SPOCK3: variants seen among roughly 807,000 people sequenced by gnomAD.
The protein encoded by SPOCK3 is testican-3.
Under a neutral mutation model 56.6 loss-of-function variants are expected in SPOCK3, and 30 were observed. That is an observed-to-expected ratio of 0.53 (90% confidence interval 0.40 to 0.72). The LOEUF (loss-of-function observed/expected upper bound fraction) is 0.72. SPOCK3 is among the 30% of genes least tolerant of loss of function. The probability of loss-of-function intolerance (pLI) is 0.00; values close to 1 mark genes in which losing one functional copy is unlikely to be tolerated. For synonymous variants in SPOCK3, 196 were observed against 183.3 expected, an observed-to-expected ratio of 1.07 and a Z score of -0.56; for missense variants, 527 against 530.0, an observed-to-expected ratio of 0.99 and a Z score of 0.06.
In SPOCK3 at chr4:167,000,374, T is replaced by C. The variant is rs9685645; in HGVS notation, c.325A>G (p.Ile109Val). 5.6e-3 allele frequency: 8,983 copies of C among 1,592,230 alleles called. 469 individuals carry two copies. The African/African-American group carries it at 0.11, about 19-fold the overall frequency. The stretch of plus-strand genomic sequence containing the variant: ...CTGTGTGTAAGCCTCCGGTGACTAA[T>C]GCAGACTGCAGTCTGAGAATCTTGA... ...IAQDSQTAVC[I>V]SHRRLTHRMK... Residue 109 changes from isoleucine (I) to valine (V), a missense_variant, in exon 4 of 11, where the codon ATT becomes GTT. Physicochemically the swap from Ile to Val is conservative, Grantham distance 29. Coordinates refer to ENST00000357545, the MANE Select transcript of SPOCK3 (RefSeq NM_001040159.2).
intron 3 of SPOCK3, among the ~76,000 whole-genome samples, chr4:167,029,993 C>T (rs1752100543): frequency 6.6e-6 from 1 of 151,904 alleles, no homozygotes; most frequent in Non-Finnish European, 1.5e-5. Flanking sequence ...TTCAGAATCA[C>T]ATAGTATCTT....
intron 4 of SPOCK3, 82 bp from the exon 5 acceptor site, chr4:166,912,825 GC>G: frequency 1.7e-6 from 2 of 1,177,234 alleles, no homozygotes; most frequent in East Asian, 5.8e-5. Flanking sequence ...CTCCTAAACT[GC>G]CATTCCAACT....
At chr4:166,906,244 C>A (rs1227471181) in intron 5 of SPOCK3, among the ~76,000 whole-genome samples, 2 of 152,054 alleles carry the variant, frequency 1.3e-5, no homozygotes, top group Non-Finnish European at 2.9e-5. Context: ...AACAGACCCA[C>A]ACTTTTAGGA....
intron 6 of SPOCK3, among the ~76,000 whole-genome samples, chr4:166,846,540 T>C (rs1748081257): frequency 6.6e-6 from 1 of 152,118 alleles, no homozygotes; most frequent in Non-Finnish European, 1.5e-5. Context: ...TGTTTAATAT[T>C]TGAGGCACAA....
chr4:166,848,406 C>T (rs564296394), intron 6 of SPOCK3, among the ~76,000 whole-genome samples: 1 of 152,230 alleles, frequency 6.6e-6, no homozygotes, highest in Non-Finnish European at 1.5e-5. Context: ...CTAAGGCAGA[C>T]AGAATTCTTT....
chr4:167,054,027 A>C (rs775980120), intron 3 of SPOCK3, among the ~76,000 whole-genome samples: 21 of 152,218 alleles, frequency 1.4e-4, no homozygotes, highest in Non-Finnish European at 2.2e-4. Flanking sequence ...GGACGCTCCA[A>C]GTTCCTTTGG....
intron 6 of SPOCK3, among the ~76,000 whole-genome samples, chr4:166,840,422 C>T (rs993222214): frequency 1.3e-5 from 2 of 152,192 alleles, no homozygotes; most frequent in African/African-American, 4.8e-5. Context: ...AGGTTTCTCT[C>T]TTCCTAGCTT....
intron 6 of SPOCK3, among the ~76,000 whole-genome samples, chr4:166,887,333 T>C (rs1734304233): frequency 6.6e-6 from 1 of 152,182 alleles, no homozygotes; most frequent in African/African-American, 2.4e-5. Flanking sequence ...AGATATACAC[T>C]TACTATGACC....
intron 2 of SPOCK3, among the ~76,000 whole-genome samples, chr4:167,220,164 T>C (rs1453081816): frequency 6.6e-6 from 1 of 152,156 alleles, no homozygotes; most frequent in Non-Finnish European, 1.5e-5. Flanking sequence ...TTACGTATGA[T>C]AGTAAGTTGT....
chr4:167,094,557 C>G (rs1758982611), intron 2 of SPOCK3, among the ~76,000 whole-genome samples: 1 of 151,918 alleles, frequency 6.6e-6, no homozygotes, highest in African/African-American at 2.4e-5. Flanking sequence ...AAATATTTGA[C>G]AAAGCCAGCC....
chr4:166,886,722 G>A (rs982265129), intron 6 of SPOCK3, among the ~76,000 whole-genome samples: 1 of 152,124 alleles, frequency 6.6e-6, no homozygotes, highest in Non-Finnish European at 1.5e-5. Context: ...CTCATTGTTG[G>A]TAGTTTATTC....
chr4:166,943,459 AT>A (rs1741350491), intron 4 of SPOCK3, among the ~76,000 whole-genome samples: 1 of 152,232 alleles, frequency 6.6e-6, no homozygotes, highest in African/African-American at 2.4e-5. Context: ...TTGGAACTTA[AT>A]CACATTATTT....
chr4:167,126,551 AAAAC>A (rs1323537615), intron 2 of SPOCK3, among the ~76,000 whole-genome samples: 1 of 152,004 alleles, frequency 6.6e-6, no homozygotes, highest in Non-Finnish European at 1.5e-5. Flanking sequence ...CTCTGTCAAA[AAAAC>A]AAACAAAAAA....
At chr4:166,737,403 T>C (rs191742279) in intron 10 of SPOCK3, 64 bp downstream of exon 10, 12 of 1,511,064 alleles carry the variant, frequency 7.9e-6, no homozygotes, top group Middle Eastern at 3.5e-4. Flanking sequence ...AACAAATGAA[T>C]GAGGCTCTAA....
intron 2 of SPOCK3, among the ~76,000 whole-genome samples, chr4:167,196,145 C>T (rs915019929): frequency 2.0e-5 from 3 of 152,108 alleles, no homozygotes; most frequent in African/African-American, 4.8e-5. Flanking sequence ...TACTTTGCAA[C>T]CAATTTGTAT....
At chr4:166,847,235 CAGGCCATTTG>C (rs747799276) in intron 6 of SPOCK3, among the ~76,000 whole-genome samples, 10 of 152,006 alleles carry the variant, frequency 6.6e-5, no homozygotes, top group African/African-American at 9.7e-5. Flanking sequence ...TACCAGTTGG[CAGGCCATTTG>C]GGAGGAGCTA....
chr4:167,142,781 C>T (rs1763640465), intron 2 of SPOCK3, among the ~76,000 whole-genome samples: 1 of 151,884 alleles, frequency 6.6e-6, no homozygotes, highest in Non-Finnish European at 1.5e-5. Flanking sequence ...CACAATAATG[C>T]TCAAAAATGA....
rs1034934575 is a variant in SPOCK3 at position 167,034,678 on chromosome 4, T to C, written c.235+27814A>G. Among the ~76,000 whole-genome samples, 7 of 152,218 alleles carry C rather than the reference T, an allele frequency of 4.6e-5. No individual in the cohort carries two copies. In the East Asian group the frequency reaches 1.4e-3, roughly 29 times the overall value. ...TATGGCCTCCAAGATCTATATCTGG[T>C]GAGAATTCCAATTTAACTTAAGCCA... On this transcript the variant is annotated intron_variant, in intron 3 of 10. Coordinates refer to ENST00000357545, the MANE Select transcript of SPOCK3 (RefSeq NM_001040159.2).
At chr4:167,106,143 A>G (rs1760122210) in intron 2 of SPOCK3, among the ~76,000 whole-genome samples, 1 of 151,958 alleles carries the variant, frequency 6.6e-6, no homozygotes, top group Admixed American at 6.6e-5. Flanking sequence ...ATAGGTATAT[A>G]CAGAACATTT....
Sources: gnomAD v4.1 joint callset for allele counts (sites outside exome capture counted in the v4.1 genomes callset) on GRCh38, gnomAD v4.1.1 for gene constraint, MANE v1.5 for transcripts, NCBI Gene and HGNC (gene_info 2026-07-23, HGNC 2026-07-21) for gene names.